The following MET variants were observed in gnomAD, a reference collection of about 807,000 sequenced individuals.
MET encodes the protein hepatocyte growth factor receptor.
In MET, 48 loss-of-function variants were observed where a neutral mutation model predicts 133.1. The observed-to-expected ratio is 0.36, with a 90% CI of 0.29 to 0.46. The LOEUF (loss-of-function observed/expected upper bound fraction) is 0.46, where lower values mean the gene tolerates loss of function less well. Ranked by LOEUF, MET falls within the 20% of genes least tolerant of loss-of-function variation. MET has a pLI of 1.00. For synonymous variants in MET, 628 were observed against 616.5 expected, an observed-to-expected ratio of 1.02 and a Z score of -0.28; for missense variants, 1,442 against 1,695.9, an observed-to-expected ratio of 0.85 and a Z score of 2.63.
At chr7:116,724,951 A>T (rs1172357278) in intron 2 of MET, 7 of 972,198 alleles carry the variant, frequency 7.2e-6, no homozygotes, top group Non-Finnish European at 9.6e-6. Flanking sequence ...AACACATTGT[A>T]AACACTAGGA....
At position 116,700,191 on chromosome 7, in the gene MET, T is replaced by C. The variant is rs1554379127; in HGVS notation, c.1107T>C (p.Tyr369=). The change falls in exon 2 of 21, where the codon TAT becomes TAC. Residue 369 remains tyrosine, a synonymous_variant. Coordinates refer to ENST00000397752, the MANE Select transcript of MET (RefSeq NM_000245.4). The part of the protein sequence containing the change: ...RSAMCAFPIK[Y]VNDFFNKIVN... ...CCATGTGTGCATTCCCTATCAAATA[T>C]GTCAACGACTTCTTCAACAAGATCG... 6.3e-7 allele frequency: 1 copy of C among 1,592,600 alleles called. No homozygotes were observed. Among genetic ancestry groups the C allele is most frequent in the South Asian group, 1.2e-5 (1 of 86,006 alleles).
At chr7:116,752,063 T>TA (rs922068583) in intron 5 of MET, among the ~76,000 whole-genome samples, 32 of 149,200 alleles carry the variant, frequency 2.1e-4, no homozygotes, top group East Asian at 3.9e-4. Context: ...TCTGTCTCAA[T>TA]AAAAAAAAAG....
chr7:116,703,383 C>A (rs549779706), intron 2 of MET, among the ~76,000 whole-genome samples: 1 of 152,252 alleles, frequency 6.6e-6, no homozygotes, highest in South Asian at 2.1e-4. Context: ...TCCTCCTTTA[C>A]CCATTCATCA....
At chr7:116,763,400 A>T in intron 11 of MET, 132 bp downstream of exon 11, 1 of 841,118 alleles carries the variant, frequency 1.2e-6, no homozygotes, top group Non-Finnish European at 1.9e-6. Context: ...ACTCTGAAAA[A>T]CAAATCTTTT....
chr7:116,684,007 T>C (rs1054983801), intron 1 of MET, among the ~76,000 whole-genome samples: 1 of 152,148 alleles, frequency 6.6e-6, no homozygotes, highest in Non-Finnish European at 1.5e-5. Context: ...CTTCCTCTTT[T>C]CTCTAGACCA....
chr7:116,744,147 A>G (rs987773786), intron 5 of MET, among the ~76,000 whole-genome samples: 1 of 152,138 alleles, frequency 6.6e-6, no homozygotes, highest in South Asian at 2.1e-4. Context: ...AAGGATCACA[A>G]CTCCTTGCCA....
intron 11 of MET, among the ~76,000 whole-genome samples, chr7:116,764,573 GTTCT>G (rs1159264019): frequency 1.3e-5 from 2 of 151,854 alleles, no homozygotes; most frequent in East Asian, 3.9e-4. Flanking sequence ...GAGATAAACG[GTTCT>G]TTATCTACCC....
intron 2 of MET, among the ~76,000 whole-genome samples, chr7:116,721,064 C>T (rs1219291944): frequency 6.6e-6 from 1 of 152,046 alleles, no homozygotes; most frequent in African/African-American, 2.4e-5. Flanking sequence ...AGGAATGGTA[C>T]CAGTTCCTCC....
intron 5 of MET, among the ~76,000 whole-genome samples, chr7:116,744,039 A>G (rs1793563157): frequency 6.6e-6 from 1 of 152,194 alleles, no homozygotes; most frequent in Non-Finnish European, 1.5e-5. Context: ...AAAGGTCACC[A>G]ACATCAAAGA....
At chr7:116,783,200 A>G (rs1029097834) in intron 18 of MET, 104 bp from the exon 19 acceptor site, 1 of 1,311,272 alleles carries the variant, frequency 7.6e-7, no homozygotes, top group African/African-American at 1.5e-5. Context: ...TTCAGAAGTT[A>G]TGGATTTCAA....
At chr7:116,755,031 A>AGAAAGAAAGAAG (rs1794120415) in intron 5 of MET, among the ~76,000 whole-genome samples, 2 of 151,712 alleles carry the variant, frequency 1.3e-5, no homozygotes, top group Non-Finnish European at 2.9e-5. Context: ...AAAGAAAGAA[A>AGAAAGAAAGAAG]GAAAGAAAGA....
intron 3 of MET, among the ~76,000 whole-genome samples, chr7:116,737,302 T>C (rs1489888731): frequency 6.6e-6 from 1 of 152,272 alleles, no homozygotes; most frequent in Non-Finnish European, 1.5e-5. Context: ...ACTAGTTAGA[T>C]GCAGAGACTT....
intron 17 of MET, among the ~76,000 whole-genome samples, chr7:116,779,914 A>G (rs1795104335): frequency 6.6e-6 from 1 of 152,202 alleles, no homozygotes; most frequent in Non-Finnish European, 1.5e-5. Context: ...ATTGAATAGC[A>G]CTGTAGTAGA....
At chr7:116,681,823 C>T (rs1279881447) in intron 1 of MET, among the ~76,000 whole-genome samples, 1 of 152,068 alleles carries the variant, frequency 6.6e-6, no homozygotes, top group Non-Finnish European at 1.5e-5. Context: ...AGGACCTAGG[C>T]AAACCTTTGG....
chr7:116,684,443 T>C (rs190645639), intron 1 of MET, among the ~76,000 whole-genome samples: 2 of 152,324 alleles, frequency 1.3e-5, no homozygotes, highest in East Asian at 3.9e-4. Flanking sequence ...AATAAGTTAC[T>C]ATATAGTGTG....
chr7:116,791,071 C>T (rs1415015816), intron 19 of MET, among the ~76,000 whole-genome samples: 5 of 152,082 alleles, frequency 3.3e-5, no homozygotes, highest in African/African-American at 1.2e-4. Flanking sequence ...GAGTGAGACC[C>T]GTCTCAAAAA....
intron 6 of MET, among the ~76,000 whole-genome samples, chr7:116,756,289 A>G (rs1015496542): frequency 2.6e-5 from 4 of 151,790 alleles, no homozygotes; most frequent in Admixed American, 2.0e-4. Context: ...ATTATTCATT[A>G]TCACATAATA....
At position 116,672,410 on chromosome 7, in the gene MET, C is replaced by A. The variant is rs536603694; in HGVS notation, c.-182C>A. ...CGGCCGCAGGTGACCCGGAGGCCCTCGCCGCCCGCGGCGCCCCGAGCGCTT... is the reference window on the plus strand; with the variant it reads ...CGGCCGCAGGTGACCCGGAGGCCCTAGCCGCCCGCGGCGCCCCGAGCGCTT... On this transcript the variant is annotated 5_prime_UTR_variant, in exon 1 of 21. Coordinates refer to ENST00000397752, the MANE Select transcript of MET (RefSeq NM_000245.4). 13 of 389,990 alleles carry A rather than the reference C, an allele frequency of 3.3e-5. No individual in the cohort carries two copies. In the South Asian group the frequency reaches 1.4e-3, roughly 42 times the overall value. 24.2% of individuals were successfully genotyped at this position (389,990 alleles called of 1,614,324 possible). A position where few individuals can be genotyped will look rare whatever the true frequency, so the allele number is the denominator to read the frequency against.
chr7:116,795,931 G>C lies in MET; in HGVS notation c.3980G>C (p.Arg1327Pro). 1 of 1,614,126 alleles carries C rather than the reference G, an allele frequency of 6.2e-7. No individual in the cohort carries two copies. Among genetic ancestry groups the C allele is most frequent in the Non-Finnish European group, 8.5e-7 (1 of 1,180,028 alleles). Residue 1327 changes from arginine to proline, a missense_variant, in exon 21 of 21, where the codon CGC becomes CCC. Coordinates refer to ENST00000397752, the MANE Select transcript of MET (RefSeq NM_000245.4). ...TGCTGGCACCCTAAAGCCGAAATGC[G>C]CCCATCCTTTTCTGAACTGGTGTCC... ...LKCWHPKAEM[R>P]PSFSELVSRI... is the part of the protein sequence containing the mutation.
Sources: gnomAD v4.1 joint callset for allele counts (sites outside exome capture counted in the v4.1 genomes callset) on GRCh38, gnomAD v4.1.1 for gene constraint, MANE v1.5 for transcripts, NCBI Gene and HGNC (gene_info 2026-07-23, HGNC 2026-07-21) for gene names.